LDHC: variants seen among roughly 807,000 people sequenced by gnomAD.
LDHC encodes the protein L-lactate dehydrogenase C chain.
A neutral mutation model predicts 30.2 loss-of-function variants in LDHC; 20 were observed. That is an observed-to-expected ratio of 0.66 (90% CI 0.47 to 0.96). The LOEUF (loss-of-function observed/expected upper bound fraction) is 0.96, where lower values mean the gene tolerates loss of function less well. Among genes scored for constraint, LDHC ranks in the 40% least tolerant of loss-of-function variants. The pLI, the probability that LDHC is intolerant of heterozygous loss-of-function variation, is 0.00. For missense variants in LDHC, 362 were observed against 394.9 expected (o/e 0.92, Z 0.71); for synonymous variants, 139 against 132.7 (o/e 1.05, Z -0.32).
At chr11:18,439,420 C>T (rs895540341) in intron 6 of LDHC, among the ~76,000 whole-genome samples, 7 of 151,120 alleles carry the variant, frequency 4.6e-5, no homozygotes, top group African/African-American at 1.7e-4. Flanking sequence ...AAAATTAGCT[C>T]GGTGTGGTGA....
At chr11:18,444,484 G>C (rs1286724877) in intron 6 of LDHC, among the ~76,000 whole-genome samples, 1 of 151,336 alleles carries the variant, frequency 6.6e-6, no homozygotes, top group African/African-American at 2.4e-5. Flanking sequence ...GGGTCTAAAA[G>C]TACTTTTGTC....
rs201957484 is a variant in LDHC, at chr11:18,446,281, G to C, written c.782G>C (p.Gly261Ala). 1 of 1,605,330 alleles carries C rather than the reference G, an allele frequency of 6.2e-7. No individual in the cohort carries two copies. Among genetic ancestry groups the C allele is most frequent in the East Asian group, 2.2e-5 (1 of 44,772 alleles). ...AIGLSVMDLV[G>A]SILKNLRRVH... ...GGACTGTCTGTGATGGATTTGGTAG[G>C]ATCCATTTTGAAAAATCTTAGGAGA... is the stretch of plus-strand genomic sequence containing the variant. Residue 261 changes from glycine to alanine, a missense_variant, in exon 7 of 8, where the codon GGA becomes GCA. By Grantham distance (60) the Gly-to-Ala change is moderately conservative (BLOSUM62 0). Coordinates refer to ENST00000541669, the MANE Select transcript of LDHC (RefSeq NM_017448.5).
At chr11:18,421,694 A>T (rs1486287303) in intron 3 of LDHC, among the ~76,000 whole-genome samples, 2 of 151,934 alleles carry the variant, frequency 1.3e-5, no homozygotes, top group East Asian at 3.9e-4. Context: ...AAAAACACAG[A>T]GATGGGATCT....
Position 18,434,867 on chromosome 11 carries a change from C to G in LDHC, c.546C>G (p.Pro182=), listed in dbSNP as rs1301295392. The part of the protein sequence containing the change: ...YLIGEKLGVH[P]TSCHGWIIGE... ...TTGGAGAAAAGTTGGGTGTCCACCC[C>G]ACAAGCTGCCATGGTTGGATTATTG... The change falls in exon 5 of 8, where the codon CCC becomes CCG. Residue 182 remains proline (P), a synonymous_variant. Transcript: ENST00000541669. 1.2e-6 allele frequency: 2 copies of G among 1,613,292 alleles called. No individual in the cohort carries two copies. The highest frequency in any genetic ancestry group is 8.5e-7 in the Non-Finnish European group (1 of 1,179,282).
rs565523078 is a variant in LDHC, at chr11:18,413,123, C to G, written c.126+280C>G. On this transcript the variant is annotated intron_variant, in intron 2 of 7. Transcript: ENST00000541669. The stretch of plus-strand genomic sequence containing the variant: ...TTTTGAGACAGGATTTGTCTGTTAC[C>G]CAGGTTGGAGTGCAGTGGCGCGATC... Among the ~76,000 whole-genome samples, 6 of 150,836 alleles carry G rather than the reference C, an allele frequency of 4.0e-5. No individual in the cohort carries two copies. In the South Asian group the frequency reaches 1.3e-3, roughly 32 times the overall value.
At chr11:18,443,971 C>A (rs913728176) in intron 6 of LDHC, among the ~76,000 whole-genome samples, 1 of 152,152 alleles carries the variant, frequency 6.6e-6, no homozygotes, top group Non-Finnish European at 1.5e-5. Flanking sequence ...AAATAATCCT[C>A]AGGGTGCTGC....
chr11:18,413,216 G>A (rs1333195836), intron 2 of LDHC, among the ~76,000 whole-genome samples: 1 of 151,286 alleles, frequency 6.6e-6, no homozygotes, highest in African/African-American at 2.4e-5. Context: ...TGAATAACTG[G>A]GGCCACAGGC....
intron 6 of LDHC, among the ~76,000 whole-genome samples, chr11:18,440,857 C>T (rs76062966): frequency 2.6e-5 from 4 of 150,946 alleles, no homozygotes; most frequent in Admixed American, 6.6e-5. Context: ...TGAGCCCAGG[C>T]GTTTTAGGCT....
intron 6 of LDHC, among the ~76,000 whole-genome samples, chr11:18,442,570 T>A (rs1038702449): frequency 2.0e-5 from 3 of 152,194 alleles, no homozygotes; most frequent in Non-Finnish European, 2.9e-5. Context: ...AGACTGTTTT[T>A]TTCCCCCCTC....
At chr11:18,412,647 A>T (rs1019103945) in intron 1 of LDHC, 62 bp from the exon 2 acceptor site, 8 of 1,459,544 alleles carry the variant, frequency 5.5e-6, no homozygotes, top group Non-Finnish European at 7.5e-6. Flanking sequence ...CTGCAAACTG[A>T]AGAGGTAGTT....
At position 18,451,999 on chromosome 11, in the gene LDHC, T is replaced by A. The variant is rs73440634; in HGVS notation, c.*872T>A. The stretch of plus-strand genomic sequence containing the variant: ...AGAAGATACAGATGTAACTTTACGA[T>A]GTAAAAAATCTAAATAAGATTGTAT... On this transcript the variant is annotated 3_prime_UTR_variant, in exon 8 of 8. Coordinates refer to ENST00000541669, the MANE Select transcript of LDHC (RefSeq NM_017448.5). 27,334 of 152,098 alleles carry A rather than the reference T, an allele frequency of 0.18. 3,098 individuals carry two copies. The highest frequency in any genetic ancestry group is 0.32 in the African/African-American group (13,267 of 41,446). 9.4% of individuals were successfully genotyped at this position (152,098 alleles called of 1,614,324 possible).
intron 3 of LDHC, among the ~76,000 whole-genome samples, chr11:18,424,693 A>G (rs575285149): frequency 6.6e-6 from 1 of 152,340 alleles, no homozygotes; most frequent in Admixed American, 6.5e-5. Flanking sequence ...TACATGCCTT[A>G]TGATTCAAAA....
Position 18,451,122 on chromosome 11 carries a change from T to C in LDHC, c.994T>C (p.Phe332Leu). 6.6e-7 allele frequency: 1 copy of C among 1,506,036 alleles called. No homozygotes were observed. 93.3% of individuals were successfully genotyped at this position (1,506,036 alleles called of 1,614,324 possible). A position where few individuals can be genotyped will look rare whatever the true frequency, so the allele number is the denominator to read the frequency against. Residue 332 changes from phenylalanine (F) to leucine (L), a missense_variant, in exon 8 of 8, where the codon TTT (phenylalanine) becomes CTT (leucine). Physicochemically the swap from Phe to Leu is conservative, Grantham distance 22 (BLOSUM62 0). Coordinates refer to ENST00000541669, the MANE Select transcript of LDHC (RefSeq NM_017448.5). ...TTGGAATATTCAAAAGGATCTAATA[T>C]TTTAAATTAAAGCCTTCTAATGTTC... is the stretch of plus-strand genomic sequence containing the variant. The part of the protein sequence containing the change: ...TLWNIQKDLI[F>L]
chr11:18,438,425 GA>G (rs1848395979), intron 5 of LDHC, 102 bp from the exon 6 acceptor site: 2 of 715,800 alleles, frequency 2.8e-6, no homozygotes, highest in East Asian at 5.1e-5. Flanking sequence ...ACAAACATCT[GA>G]ACCATATCAG....
At chr11:18,418,422 T>C (rs1867060995) in intron 3 of LDHC, among the ~76,000 whole-genome samples, 1 of 150,604 alleles carries the variant, frequency 6.6e-6, no homozygotes, top group African/African-American at 2.5e-5. Flanking sequence ...AAAAGAGTAT[T>C]ACTATTTTAT....
chr11:18,425,998 A>G (rs1848154286), intron 3 of LDHC, among the ~76,000 whole-genome samples: 1 of 151,368 alleles, frequency 6.6e-6, no homozygotes, highest in African/African-American at 2.4e-5. Flanking sequence ...AATGGGGAAG[A>G]GCAATGATGG....
intron 3 of LDHC, among the ~76,000 whole-genome samples, chr11:18,429,116 CTTTTTTT>C (rs36038254): frequency 3.2e-5 from 3 of 93,916 alleles, no homozygotes; most frequent in Admixed American, 3.0e-4. Context: ...TCATTTTGGT[CTTTTTTT>C]TTTTTTTTTT....
chr11:18,450,753 C>G, intron 7 of LDHC: 1 of 443,906 alleles, frequency 2.3e-6, no homozygotes, highest in Non-Finnish European at 3.9e-6. Context: ...CTAAAGGCCT[C>G]TGGCATCTTC....
intron 3 of LDHC, among the ~76,000 whole-genome samples, chr11:18,420,358 ATTC>A (rs1867098156): frequency 6.6e-6 from 1 of 152,212 alleles, no homozygotes; most frequent in Admixed American, 6.5e-5. Context: ...ACCTGGACAT[ATTC>A]TTGTGAAATT....
Sources: allele counts gnomAD v4.1 joint callset (sites outside exome capture counted in the v4.1 genomes callset), GRCh38; gene constraint gnomAD v4.1.1; transcripts MANE v1.5; gene names NCBI Gene and HGNC (gene_info 2026-07-23, HGNC 2026-07-21).